The following EDIL3 variants were observed in gnomAD, a reference collection of about 807,000 sequenced individuals.
The protein encoded by EDIL3 is EGF-like repeat and discoidin I-like domain-containing protein 3.
EDIL3 carries 37 observed loss-of-function variants against 67.4 expected under a neutral mutation model. The ratio of observed to expected loss-of-function variants is 0.55; its 90% CI spans 0.42 to 0.72. The LOEUF (loss-of-function observed/expected upper bound fraction) is 0.72, where lower values mean the gene tolerates loss of function less well. Ranked by LOEUF, EDIL3 falls within the 30% of genes least tolerant of loss-of-function variation. EDIL3 has a pLI of 0.00. For missense variants in EDIL3, 527 were observed against 586.3 expected, an observed-to-expected ratio of 0.90 and a Z score of 1.04; for synonymous variants, 195 against 196.3, an observed-to-expected ratio of 0.99 and a Z score of 0.05.
intron 1 of EDIL3, among the ~76,000 whole-genome samples, chr5:84,284,424 T>A (rs569638486): frequency 6.6e-6 from 1 of 152,138 alleles, no homozygotes; most frequent in African/African-American, 2.4e-5. Flanking sequence ...TATTTACTGG[T>A]CCCCTGTGCC....
chr5:84,324,791 A>G (rs1746722711), intron 1 of EDIL3, among the ~76,000 whole-genome samples: 1 of 151,752 alleles, frequency 6.6e-6, no homozygotes, highest in South Asian at 2.1e-4. Context: ...CTACATCGAC[A>G]AATTACATAT....
intron 9 of EDIL3, among the ~76,000 whole-genome samples, chr5:83,981,251 T>A (rs150893293): frequency 2.0e-5 from 3 of 152,194 alleles, no homozygotes; most frequent in East Asian, 1.9e-4. Context: ...ACTAGGAAGC[T>A]AGAAAAATCA....
intron 1 of EDIL3, among the ~76,000 whole-genome samples, chr5:84,272,447 G>T (rs1178749199): frequency 6.6e-6 from 1 of 151,990 alleles, no homozygotes; most frequent in African/African-American, 2.4e-5. Context: ...TCAAAGATTT[G>T]TTGATATTAA....
At chr5:84,351,256 T>C (rs1243473334) in intron 1 of EDIL3, among the ~76,000 whole-genome samples, 1 of 152,180 alleles carries the variant, frequency 6.6e-6, no homozygotes, top group Non-Finnish European at 1.5e-5. Flanking sequence ...TTTGAGATAA[T>C]AAATTTATAG....
chr5:84,312,328 G>T (rs1322073023), intron 1 of EDIL3, among the ~76,000 whole-genome samples: 2 of 139,782 alleles, frequency 1.4e-5, no homozygotes, highest in African/African-American at 2.7e-5. Context: ...CTGGCCGGGT[G>T]GGGGGCTGAC....
intron 2 of EDIL3, among the ~76,000 whole-genome samples, chr5:84,246,040 A>T (rs2112066004): frequency 6.6e-6 from 1 of 152,240 alleles, no homozygotes; most frequent in Middle Eastern, 3.4e-3. Context: ...ATGGCCATAT[A>T]TTTGTGTATA....
intron 6 of EDIL3, among the ~76,000 whole-genome samples, chr5:84,104,573 G>A (rs967971575): frequency 3.3e-5 from 5 of 151,772 alleles, no homozygotes; most frequent in African/African-American, 1.2e-4. Flanking sequence ...AACCTTTCAT[G>A]TTTACTTTAG....
rs79335370 is a variant in EDIL3 at position 84,347,170 on chromosome 5, T to C, written c.67+37138A>G. On this transcript the variant is annotated intron_variant, in intron 1 of 10. Coordinates refer to ENST00000296591, the MANE Select transcript of EDIL3 (RefSeq NM_005711.5). Reference sequence around the variant, plus strand: ...ATTGTGTCCTTTTGTCCACATGTTCTGTCCTAGGCAGAGTTAATTATATGA... The same window carrying C: ...ATTGTGTCCTTTTGTCCACATGTTCCGTCCTAGGCAGAGTTAATTATATGA... Among the ~76,000 whole-genome samples, 305 of 152,288 alleles carry C rather than the reference T, an allele frequency of 2.0e-3. 2 individuals are homozygous for C. The highest frequency in any genetic ancestry group is 7.0e-3 in the African/African-American group (292 of 41,552).
intron 9 of EDIL3, chr5:84,048,389 T>C: frequency 4.2e-6 from 1 of 238,952 alleles, no homozygotes; most frequent in South Asian, 3.9e-5. Flanking sequence ...ATAAGGCTTA[T>C]TTAATTTGAA....
rs1748179904 is a variant in EDIL3 at position 84,384,432 on chromosome 5, A to G, written c.-58T>C. On this transcript the variant is annotated 5_prime_UTR_variant, in exon 1 of 11. Coordinates refer to ENST00000296591, the MANE Select transcript of EDIL3 (RefSeq NM_005711.5). Reference sequence around the variant, plus strand: ...CAGGGGTCGTCGCGGAGGGCAGTGTAGCCGAGGTGGCAGCGCAGGGCAGCA... The same window carrying G: ...CAGGGGTCGTCGCGGAGGGCAGTGTGGCCGAGGTGGCAGCGCAGGGCAGCA... 2 of 1,585,740 alleles carry G rather than the reference A, an allele frequency of 1.3e-6. No individual in the cohort carries two copies. The highest frequency in any genetic ancestry group is 1.7e-5 in the Admixed American group (1 of 59,008).
At chr5:83,949,533 T>G (rs1744370145) in intron 10 of EDIL3, among the ~76,000 whole-genome samples, 3 of 151,758 alleles carry the variant, frequency 2.0e-5, no homozygotes, top group African/African-American at 4.8e-5. Context: ...CCAAAAGGAG[T>G]TGATCATCTT....
At chr5:84,298,467 G>A (rs1256183831) in intron 1 of EDIL3, among the ~76,000 whole-genome samples, 2 of 152,026 alleles carry the variant, frequency 1.3e-5, no homozygotes, top group East Asian at 1.9e-4. Flanking sequence ...CACACACTGG[G>A]GCCTGTCAGA....
At chr5:84,375,013 C>T (rs1054222560) in intron 1 of EDIL3, among the ~76,000 whole-genome samples, 12 of 150,752 alleles carry the variant, frequency 8.0e-5, no homozygotes, top group Admixed American at 3.3e-4. Context: ...CTCTCTGTCA[C>T]CAAGCTGAAG....
At chr5:83,988,325 A>G (rs1745091623) in intron 9 of EDIL3, among the ~76,000 whole-genome samples, 1 of 152,202 alleles carries the variant, frequency 6.6e-6, no homozygotes, top group African/African-American at 2.4e-5. Flanking sequence ...CTTCTTTTTG[A>G]AAGACAAATG....
intron 3 of EDIL3, among the ~76,000 whole-genome samples, chr5:84,223,807 G>C (rs1027621190): frequency 1.3e-5 from 2 of 150,986 alleles, no homozygotes; most frequent in African/African-American, 4.9e-5. Flanking sequence ...ATGAGGTGAT[G>C]GATATGTAAA....
chr5:84,211,462 G>A (rs1471133132), intron 3 of EDIL3, among the ~76,000 whole-genome samples: 1 of 152,082 alleles, frequency 6.6e-6, no homozygotes. Context: ...CCAGCTTCAG[G>A]TATTTCTTTA....
chr5:84,294,283 G>T (rs1273656223), intron 1 of EDIL3, among the ~76,000 whole-genome samples: 1 of 151,044 alleles, frequency 6.6e-6, no homozygotes, highest in African/African-American at 2.4e-5. Flanking sequence ...TACTCGGGAG[G>T]CTGACGCAGG....
intron 3 of EDIL3, among the ~76,000 whole-genome samples, chr5:84,211,041 C>T (rs771210764): frequency 2.6e-5 from 4 of 152,158 alleles, no homozygotes; most frequent in African/African-American, 4.8e-5. Flanking sequence ...ATCCCTGGAA[C>T]CTGTGAATAT....
intron 8 of EDIL3, among the ~76,000 whole-genome samples, chr5:84,062,761 G>A (rs1260542402): frequency 1.3e-5 from 2 of 152,048 alleles, no homozygotes; most frequent in Admixed American, 1.3e-4. Context: ...CTGGATTGTG[G>A]GGAGTAGTTT....
Sources: gnomAD v4.1 joint callset for allele counts (sites outside exome capture counted in the v4.1 genomes callset) on GRCh38, gnomAD v4.1.1 for gene constraint, MANE v1.5 for transcripts, NCBI Gene and HGNC (gene_info 2026-07-23, HGNC 2026-07-21) for gene names.